Variants in PHEX observed in about 807,000 individuals in gnomAD.
PHEX encodes the protein phosphate-regulating neutral endopeptidase PHEX.
Under a neutral mutation model 68.0 loss-of-function variants are expected in PHEX, and 16 were observed. The observed-to-expected ratio is 0.24, with a 90% CI of 0.16 to 0.36. The LOEUF is 0.36. Among genes scored for constraint, PHEX ranks in the 10% least tolerant of loss-of-function variants. The pLI, the probability that PHEX is intolerant of heterozygous loss-of-function variation, is 1.00. For synonymous variants in PHEX, 208 were observed against 205.1 expected (o/e 1.01, Z -0.12); for missense variants, 480 against 575.5 (o/e 0.83, Z 1.70).
At chrX:22,239,597 C>A (rs1448212868) in intron 20 of PHEX, among the ~76,000 whole-genome samples, 3 of 110,097 alleles carry the variant, frequency 2.7e-5, no homozygotes, top group Non-Finnish European at 3.8e-5. Context: ...GAAGCATACA[C>A]AAGTATCAAT....
At position 22,226,499 on chromosome X, in the gene PHEX, A is replaced by G; in HGVS notation, c.1956A>G (p.Glu652=). 1 of 1,201,745 alleles carries G rather than the reference A, an allele frequency of 8.3e-7. No homozygotes were observed. Among genetic ancestry groups the G allele is most frequent in the South Asian group, 1.8e-5 (1 of 56,704 alleles). The change falls in exon 19 of 22, where the codon GAA becomes GAG. Residue 652 remains glutamate (E), a synonymous_variant. Coordinates refer to ENST00000379374, the MANE Select transcript of PHEX (RefSeq NM_000444.6). The part of the protein sequence containing the change: ...ENIADNGGLR[E]AFRAYRKWIN... ...TTGCTGATAATGGAGGCCTGCGGGA[A>G]GCTTTTAGGGTATGCGCTGCTACAT...
At chrX:22,192,306 A>G (rs1039859066) in intron 15 of PHEX, among the ~76,000 whole-genome samples, 5 of 111,043 alleles carry the variant, frequency 4.5e-5, no homozygotes, top group African/African-American at 1.6e-4. Flanking sequence ...TACCACTACT[A>G]TCTCCCACCT....
At position 22,249,455 on chromosome X, in the gene PHEX, A is replaced by AAAAAATATATATATATATATAT; in HGVS notation, c.*1503_*1504insAAAATATATATATATATATATA. 5.0e-5 allele frequency: 2 copies of AAAAAATATATATATATATATAT among 39,752 alleles called. No individual in the cohort carries two copies. Among genetic ancestry groups the AAAAAATATATATATATATATAT allele is most frequent in the Non-Finnish European group, 8.2e-5 (2 of 24,469 alleles). The allele number at this position is 39,752 out of a possible 1,213,427, so 3.3% of individuals were successfully genotyped here. Reference sequence around the variant, plus strand: ...TTGTGATTCTTTTAAAAAAAAAAAAAATATATATATATATATATATATATA... The same window carrying AAAAAATATATATATATATATAT: ...TTGTGATTCTTTTAAAAAAAAAAAAAAAAAATATATATATATATATATATATATATATATATATATATATATA... On this transcript the variant is annotated 3_prime_UTR_variant, in exon 22 of 22. Coordinates refer to ENST00000379374, the MANE Select transcript of PHEX (RefSeq NM_000444.6).
At chrX:22,073,688 G>A (rs1428812058) in intron 3 of PHEX, among the ~76,000 whole-genome samples, 11 of 87,351 alleles carry the variant, frequency 1.3e-4, no homozygotes. Flanking sequence ...CGCCCACGCT[G>A]GAGTGTAGTG....
chrX:22,206,153 G>C (rs889006679), intron 15 of PHEX, among the ~76,000 whole-genome samples: 40 of 112,332 alleles, frequency 3.6e-4, no homozygotes, highest in Non-Finnish European at 3.8e-4. Context: ...CTTTCATCTA[G>C]AAGGAAAATG....
intron 5 of PHEX, among the ~76,000 whole-genome samples, chrX:22,084,697 T>C (rs1929550037): frequency 9.0e-6 from 1 of 110,723 alleles, no homozygotes; most frequent in Admixed American, 9.7e-5. Flanking sequence ...ATTAGTTTGT[T>C]GAGGTTTTCT....
At chrX:22,129,943 C>T (rs767428887) in intron 11 of PHEX, among the ~76,000 whole-genome samples, 2 of 111,760 alleles carry the variant, frequency 1.8e-5, no homozygotes, top group South Asian at 7.4e-4. Flanking sequence ...ACACACTCTT[C>T]ATCCCACTAG....
At chrX:22,174,764 C>T (rs925214983) in intron 13 of PHEX, among the ~76,000 whole-genome samples, 2 of 111,946 alleles carry the variant, frequency 1.8e-5, no homozygotes, top group African/African-American at 6.5e-5. Context: ...GTACACCAAC[C>T]TTTACAGTAA....
At chrX:22,136,877 CG>C (rs200629142) in intron 12 of PHEX, among the ~76,000 whole-genome samples, 4,932 of 111,594 alleles carry the variant, frequency 0.044, 102 homozygotes, top group East Asian at 0.065. Flanking sequence ...TAAGAGGTCA[CG>C]AGTAGTTTTT....
chrX:22,105,072 G>A (rs1292150578), intron 9 of PHEX, among the ~76,000 whole-genome samples: 1 of 112,122 alleles, frequency 8.9e-6, no homozygotes, highest in Non-Finnish European at 1.9e-5. Flanking sequence ...TCTCCTGGGG[G>A]CCAGCTCTTC....
At chrX:22,109,300 A>G (rs778470446) in intron 9 of PHEX, among the ~76,000 whole-genome samples, 1 of 112,533 alleles carries the variant, frequency 8.9e-6, no homozygotes, top group Non-Finnish European at 1.9e-5. Context: ...TCATTGTTGT[A>G]TTAACCAAAT....
intron 11 of PHEX, among the ~76,000 whole-genome samples, chrX:22,127,425 A>G (rs1351535790): frequency 9.0e-6 from 1 of 110,769 alleles, no homozygotes; most frequent in Non-Finnish European, 1.9e-5. Context: ...CTATTTCTCT[A>G]TTTTTTTCTT....
intron 13 of PHEX, among the ~76,000 whole-genome samples, chrX:22,176,937 A>T (rs1036066719): frequency 9.0e-6 from 1 of 111,146 alleles, no homozygotes; most frequent in African/African-American, 3.3e-5. Flanking sequence ...TTGAGGGACA[A>T]TTTAAAGTCA....
intron 12 of PHEX, among the ~76,000 whole-genome samples, chrX:22,154,813 A>G (rs924899714): frequency 8.9e-5 from 10 of 112,092 alleles, no homozygotes; most frequent in Non-Finnish European, 1.5e-4. Flanking sequence ...GGGAAGCCCT[A>G]AGCTAGACGA....
intron 15 of PHEX, among the ~76,000 whole-genome samples, chrX:22,202,260 C>T (rs1483462014): frequency 1.8e-5 from 2 of 111,747 alleles, no homozygotes; most frequent in African/African-American, 3.3e-5. Context: ...ATTGAGAAAA[C>T]ACCTTAATTT....
intron 20 of PHEX, among the ~76,000 whole-genome samples, chrX:22,232,550 G>T (rs1346752019): frequency 3.5e-5 from 2 of 57,759 alleles, no homozygotes; most frequent in South Asian, 9.3e-4. Context: ...TTTGATCTTT[G>T]TTCATTTAAA....
At chrX:22,211,718 A>G (rs1934930839) in intron 15 of PHEX, among the ~76,000 whole-genome samples, 1 of 112,587 alleles carries the variant, frequency 8.9e-6, no homozygotes, top group Non-Finnish European at 1.9e-5. Flanking sequence ...ACTGCTAATA[A>G]AGACATACCT....
intron 20 of PHEX, among the ~76,000 whole-genome samples, chrX:22,236,717 A>G (rs1935992576): frequency 8.9e-6 from 1 of 112,278 alleles, no homozygotes; most frequent in African/African-American, 3.2e-5. Context: ...TAGTCTTCAA[A>G]GCCTAAAATC....
intron 10 of PHEX, among the ~76,000 whole-genome samples, chrX:22,113,040 TG>T (rs1931058838): frequency 1.9e-5 from 2 of 106,407 alleles, no homozygotes; most frequent in Non-Finnish European, 3.8e-5. Context: ...TGTGTGTGTG[TG>T]TGTGTGTGTG....
Sources: gnomAD v4.1 joint callset for allele counts (sites outside exome capture counted in the v4.1 genomes callset) on GRCh38, gnomAD v4.1.1 for gene constraint, MANE v1.5 for transcripts, NCBI Gene and HGNC (gene_info 2026-07-23, HGNC 2026-07-21) for gene names.